STK3: variants seen among roughly 807,000 people sequenced by gnomAD.
STK3 encodes serine/threonine-protein kinase 3.
A neutral mutation model predicts 58.0 loss-of-function variants in STK3; 41 were observed. The observed-to-expected ratio is 0.71, with a 90% CI of 0.55 to 0.92. The LOEUF (loss-of-function observed/expected upper bound fraction) is 0.92, where lower values mean the gene tolerates loss of function less well. STK3 is among the 40% of genes least tolerant of loss of function. STK3 has a pLI of 0.00. For synonymous variants in STK3, 170 were observed against 191.0 expected, an observed-to-expected ratio of 0.89 and a Z score of 0.91; for missense variants, 479 against 602.7, an observed-to-expected ratio of 0.79 and a Z score of 2.15.
intron 6 of STK3, among the ~76,000 whole-genome samples, chr8:98,696,681 C>T (rs924535815): frequency 1.3e-5 from 2 of 152,168 alleles, no homozygotes; most frequent in African/African-American, 4.8e-5. Flanking sequence ...ATATATTGAA[C>T]CAGTCTTGCA....
Position 98,777,103 on chromosome 8 carries a change from G to A in STK3, c.27-2284C>T, listed in dbSNP as rs546206612. On this transcript the variant is annotated intron_variant, in intron 1 of 10. Transcript: ENST00000419617. The stretch of plus-strand genomic sequence containing the variant: ...AAAATAAATAAATAAAAATAAAAAG[G>A]TGTTTGACTTCCTTACATATACAAA... Among the ~76,000 whole-genome samples the A allele has an allele frequency of 7.9e-5, 12 of 151,700 alleles. No homozygotes were observed. In the South Asian group the frequency reaches 2.3e-3, roughly 29 times the overall value.
At chr8:98,782,395 T>G (rs1047265643) in intron 1 of STK3, 5 of 235,456 alleles carry the variant, frequency 2.1e-5, no homozygotes, top group African/African-American at 1.1e-4. Context: ...GATCGCCACA[T>G]GTATCACAGC....
At chr8:98,485,858 A>T (rs978317960) in intron 10 of STK3, among the ~76,000 whole-genome samples, 56 of 152,234 alleles carry the variant, frequency 3.7e-4, no homozygotes, top group African/African-American at 1.3e-3. Flanking sequence ...TTTATATTAC[A>T]GAAGTAGGGG....
chr8:98,840,464 C>G (rs1413155016), intron 3 of STK3, among the ~76,000 whole-genome samples: 1 of 147,408 alleles, frequency 6.8e-6, no homozygotes, highest in Non-Finnish European at 1.5e-5. Context: ...CTCAGCTACT[C>G]AGGAGACTAA....
intron 1 of STK3, among the ~76,000 whole-genome samples, chr8:98,821,998 A>T (rs1360970198): frequency 6.6e-6 from 1 of 152,226 alleles, no homozygotes; most frequent in African/African-American, 2.4e-5. Context: ...ACCCATGCCT[A>T]ACATTATGTG....
chr8:98,809,277 C>T (rs78796369), intron 1 of STK3, among the ~76,000 whole-genome samples: 2,340 of 152,282 alleles, frequency 0.015, 26 homozygotes, highest in Middle Eastern at 0.031. Context: ...CTGGGGCTTG[C>T]AACTGGCATC....
At chr8:98,685,879 G>A (rs1212723969) in intron 6 of STK3, among the ~76,000 whole-genome samples, 1 of 152,160 alleles carries the variant, frequency 6.6e-6, no homozygotes, top group South Asian at 2.1e-4. Context: ...AAGAAAAAAA[G>A]GAAGATAAGG....
intron 3 of STK3, among the ~76,000 whole-genome samples, chr8:98,422,688 G>T (rs532753631): frequency 5.9e-5 from 9 of 152,334 alleles, no homozygotes; most frequent in Admixed American, 5.9e-4. Context: ...ACCGCAGGCA[G>T]GCCCTGCCCT....
intron 6 of STK3, among the ~76,000 whole-genome samples, chr8:98,675,018 T>C (rs1455569556): frequency 6.6e-6 from 1 of 152,168 alleles, no homozygotes; most frequent in Non-Finnish European, 1.5e-5. Context: ...AGTCAAAGAA[T>C]TGTGGCATGA....
intron 10 of STK3, chr8:98,462,865 G>C (rs995720570): frequency 2.6e-5 from 4 of 152,092 alleles, no homozygotes; most frequent in Admixed American, 6.5e-5. Flanking sequence ...GAGCTAATGT[G>C]ATCTTTTCAG....
intron 3 of STK3, among the ~76,000 whole-genome samples, chr8:98,877,709 C>T (rs1837607827): frequency 6.6e-6 from 1 of 152,032 alleles, no homozygotes. Flanking sequence ...TCTCGAACTC[C>T]CGACCTCAGG....
At chr8:98,392,085 A>G (rs1164845814), upstream of STK3, among the ~76,000 whole-genome samples, 1 of 152,216 alleles carries the variant, frequency 6.6e-6, no homozygotes, top group African/African-American at 2.4e-5. Context: ...ACTAAATGTT[A>G]TACTCAATAA....
At chr8:98,510,250 G>T (rs555269828) in intron 10 of STK3, among the ~76,000 whole-genome samples, 1 of 152,204 alleles carries the variant, frequency 6.6e-6, no homozygotes, top group Non-Finnish European at 1.5e-5. Context: ...GTCACATTTA[G>T]TTTAATGCCT....
At chr8:98,717,367 G>A (rs960778732) in intron 4 of STK3, among the ~76,000 whole-genome samples, 5 of 152,048 alleles carry the variant, frequency 3.3e-5, no homozygotes, top group African/African-American at 7.2e-5. Flanking sequence ...TAAAGGACTC[G>A]TATGGACATT....
intron 10 of STK3, among the ~76,000 whole-genome samples, chr8:98,509,560 C>A (rs1482042116): frequency 8.6e-5 from 13 of 151,802 alleles, no homozygotes; most frequent in Non-Finnish European, 1.5e-4. Context: ...TTGAAAGAAT[C>A]CTACCTAGTA....
At chr8:98,741,828 G>C (rs961556170) in intron 4 of STK3, among the ~76,000 whole-genome samples, 6 of 152,160 alleles carry the variant, frequency 3.9e-5, no homozygotes, top group African/African-American at 1.2e-4. Context: ...AAAATTGATA[G>C]ACTGCTAGCA....
intron 3 of STK3, among the ~76,000 whole-genome samples, chr8:98,424,071 C>T (rs1403946978): frequency 2.0e-5 from 3 of 152,234 alleles, no homozygotes; most frequent in Admixed American, 6.5e-5. Flanking sequence ...CCAGCTTCCC[C>T]GGTATGGAAG....
chr8:98,682,842 T>C lies in STK3; in HGVS notation c.684+23625A>G, dbSNP rs185791942. Among the ~76,000 whole-genome samples the C allele has an allele frequency of 3.9e-4, 59 of 152,146 alleles. No individual in the cohort carries two copies. The East Asian group carries it at 0.011, about 29-fold the overall frequency. The stretch of plus-strand genomic sequence containing the variant: ...GTTATACACATGAAATTAGAGTAAA[T>C]ACCTGCCCTCAGTATACCTCCTTCC... On this transcript the variant is annotated intron_variant, in intron 6 of 10. Coordinates refer to ENST00000419617, the MANE Select transcript of STK3 (RefSeq NM_006281.4).
chr8:98,351,975 C>G, the STK3 span, among the ~76,000 whole-genome samples: 1 of 151,902 alleles, frequency 6.6e-6, no homozygotes, highest in Non-Finnish European at 1.5e-5. Context: ...CTGGCTAACA[C>G]GGTTAAACCC....
Sources: allele counts gnomAD v4.1 joint callset (sites outside exome capture counted in the v4.1 genomes callset), GRCh38; gene constraint gnomAD v4.1.1; transcripts MANE v1.5; gene names NCBI Gene and HGNC (gene_info 2026-07-23, HGNC 2026-07-21).